The following BCKDHB variants were observed in gnomAD, a reference collection of about 807,000 sequenced individuals.
BCKDHB encodes 2-oxoisovalerate dehydrogenase subunit beta, mitochondrial.
In BCKDHB, 41 loss-of-function variants were observed where a neutral mutation model predicts 48.5. The ratio of observed to expected loss-of-function variants is 0.85; its 90% CI spans 0.66 to 1.10. The LOEUF (loss-of-function observed/expected upper bound fraction) is 1.10. Among genes scored for constraint, BCKDHB ranks in the 50% least tolerant of loss-of-function variants. The pLI, the probability that BCKDHB is intolerant of heterozygous loss-of-function variation, is 0.00. For synonymous variants in BCKDHB, 201 were observed against 174.8 expected (o/e 1.15, Z -1.18); for missense variants, 496 against 494.2 (o/e 1.00, Z -0.03).
rs117189869 is a variant in BCKDHB at position 80,306,996 on chromosome 6, A to G, written c.1038+33775A>G. On this transcript the variant is annotated intron_variant, in intron 9 of 9. Coordinates refer to ENST00000320393, the MANE Select transcript of BCKDHB (RefSeq NM_183050.4). ...TATTCATTGGACCAACCTCCAGCAT[A>G]TCCCAGATATGTTCCTCATATTGAG... Among the ~76,000 whole-genome samples, 103 of 152,298 alleles carry G rather than the reference A, an allele frequency of 6.8e-4. 1 individual carries two copies. In the East Asian group the frequency reaches 0.015, roughly 22 times the overall value.
At chr6:80,295,186 G>T (rs1285773174) in intron 9 of BCKDHB, among the ~76,000 whole-genome samples, 1 of 152,124 alleles carries the variant, frequency 6.6e-6, no homozygotes, top group Non-Finnish European at 1.5e-5. Flanking sequence ...TTGGGGGTGG[G>T]TTCCCTCGAT....
the BCKDHB span, among the ~76,000 whole-genome samples, chr6:80,413,483 T>G: frequency 5.7e-3 from 870 of 152,322 alleles, 9 homozygotes; most frequent in African/African-American, 0.019. Context: ...CCAGTGTGTG[T>G]TGTTCTCCTC....
chr6:80,273,149 A>G lies in BCKDHB; in HGVS notation c.966A>G (p.Thr322=). The change falls in exon 9 of 10, where the codon ACA becomes ACG. Residue 322 remains threonine, a synonymous_variant. Coordinates refer to ENST00000320393, the MANE Select transcript of BCKDHB (RefSeq NM_183050.4). The part of the protein sequence containing the change: ...VDTICKSVIK[T]GRLLISHEAP... ...TTCTCTTTCAGTCTGTGATCAAAAC[A>G]GGGCGACTGCTAATCAGTCACGAGG... The G allele has an allele frequency of 6.2e-7, 1 of 1,613,390 alleles. No homozygotes were observed. Among genetic ancestry groups the G allele is most frequent in the Non-Finnish European group, 8.5e-7 (1 of 1,179,488 alleles).
At chr6:80,143,857 A>G (rs1771339293) in intron 3 of BCKDHB, among the ~76,000 whole-genome samples, 1 of 152,132 alleles carries the variant, frequency 6.6e-6, no homozygotes, top group African/African-American at 2.4e-5. Context: ...TTATTCTGTA[A>G]TACTGGCTCT....
intron 1 of BCKDHB, among the ~76,000 whole-genome samples, chr6:80,107,848 C>G (rs565590937): frequency 9.9e-5 from 15 of 151,802 alleles, no homozygotes; most frequent in Non-Finnish European, 1.9e-4. Context: ...CATGTAATGT[C>G]TCTCATCAGA....
At chr6:80,325,614 A>G (rs1441152043) in intron 9 of BCKDHB, among the ~76,000 whole-genome samples, 1 of 152,220 alleles carries the variant, frequency 6.6e-6, no homozygotes, top group East Asian at 1.9e-4. Flanking sequence ...AATCCATTTG[A>G]TGGTGGTGAT....
At chr6:80,107,869 C>T (rs1175340543) in intron 1 of BCKDHB, among the ~76,000 whole-genome samples, 1 of 152,080 alleles carries the variant, frequency 6.6e-6, no homozygotes, top group African/African-American at 2.4e-5. Context: ...ATATCAGATC[C>T]AGTGTCTCTC....
At chr6:80,175,206 G>A (rs1467709791) in intron 6 of BCKDHB, among the ~76,000 whole-genome samples, 1 of 152,082 alleles carries the variant, frequency 6.6e-6, no homozygotes, top group Non-Finnish European at 1.5e-5. Context: ...ACCAGGAAGG[G>A]AGGAGGAGGA....
downstream of BCKDHB, among the ~76,000 whole-genome samples, chr6:80,348,457 C>T (rs767741290): frequency 3.9e-5 from 6 of 152,316 alleles, no homozygotes; most frequent in Non-Finnish European, 8.8e-5. Flanking sequence ...CTCCCTCTCC[C>T]CACCACATGT....
intron 9 of BCKDHB, among the ~76,000 whole-genome samples, chr6:80,316,137 T>C (rs1768434016): frequency 6.6e-6 from 1 of 152,222 alleles, no homozygotes; most frequent in Non-Finnish European, 1.5e-5. Flanking sequence ...ACTGGTATGC[T>C]TCATTAGGCA....
the BCKDHB span, among the ~76,000 whole-genome samples, chr6:80,465,425 T>C: frequency 6.6e-6 from 1 of 152,268 alleles, no homozygotes; most frequent in South Asian, 2.1e-4. Context: ...AATGTCTGAA[T>C]GTTGTATACC....
intron 6 of BCKDHB, among the ~76,000 whole-genome samples, chr6:80,197,934 TCA>T: frequency 6.7e-6 from 1 of 148,978 alleles, no homozygotes; most frequent in Admixed American, 6.7e-5. Context: ...ATCCATCTGT[TCA>T]TCCATCCATC....
At chr6:80,320,242 C>A (rs1475998162) in intron 9 of BCKDHB, among the ~76,000 whole-genome samples, 1 of 152,000 alleles carries the variant, frequency 6.6e-6, no homozygotes, top group African/African-American at 2.4e-5. Flanking sequence ...AGACAAATAT[C>A]TTTTTAAAAA....
chr6:80,358,381 C>G, the BCKDHB span, among the ~76,000 whole-genome samples: 1 of 152,078 alleles, frequency 6.6e-6, no homozygotes, highest in Non-Finnish European at 1.5e-5. Flanking sequence ...TTTACTGTGT[C>G]CTCTGATTTA....
At chr6:80,319,511 A>G (rs2128000853) in intron 9 of BCKDHB, among the ~76,000 whole-genome samples, 1 of 152,310 alleles carries the variant, frequency 6.6e-6, no homozygotes, top group South Asian at 2.1e-4. Flanking sequence ...AAGTTTTTTA[A>G]TTCATGCCAG....
intron 2 of BCKDHB, among the ~76,000 whole-genome samples, chr6:80,127,978 T>G (rs924801250): frequency 3.3e-5 from 5 of 152,086 alleles, no homozygotes; most frequent in Non-Finnish European, 7.4e-5. Context: ...GATTTTATGC[T>G]TCCCTTTGGA....
intron 9 of BCKDHB, chr6:80,307,799 A>T (rs1767952607): frequency 1.0e-6 from 1 of 985,096 alleles, no homozygotes; most frequent in African/African-American, 1.7e-5. Context: ...AAATTTACCA[A>T]AGTTGTAGAT....
chr6:80,386,057 G>T, the BCKDHB span, among the ~76,000 whole-genome samples: 7 of 152,290 alleles, frequency 4.6e-5, no homozygotes, highest in African/African-American at 1.7e-4. Context: ...TAGAGGAAGG[G>T]ATCCAAAGGT....
chr6:80,309,526 A>G (rs1021518685), intron 9 of BCKDHB, among the ~76,000 whole-genome samples: 7 of 152,158 alleles, frequency 4.6e-5, no homozygotes, highest in South Asian at 2.1e-4. Context: ...TTGTGTAATA[A>G]TGACTTTGTT....
Sources: gnomAD v4.1 joint callset for allele counts (sites outside exome capture counted in the v4.1 genomes callset) on GRCh38, gnomAD v4.1.1 for gene constraint, MANE v1.5 for transcripts, NCBI Gene and HGNC (gene_info 2026-07-23, HGNC 2026-07-21) for gene names.